RHCE: variants seen among roughly 807,000 people sequenced by gnomAD.
RHCE encodes blood group Rh(CE) polypeptide.
RHCE carries 22 observed loss-of-function variants against 43.8 expected under a neutral mutation model. The ratio of observed to expected loss-of-function variants is 0.50; its 90% CI spans 0.36 to 0.72. The LOEUF is 0.72. RHCE is among the 30% of genes least tolerant of loss of function. The pLI, the probability that RHCE is intolerant of heterozygous loss-of-function variation, is 0.00. For synonymous variants in RHCE, 156 were observed against 210.7 expected (o/e 0.74, Z 2.25); for missense variants, 385 against 525.4 (o/e 0.73, Z 2.61).
intron 2 of RHCE, among the ~76,000 whole-genome samples, chr1:25,404,834 G>A (rs1646865937): frequency 6.6e-6 from 1 of 151,456 alleles, no homozygotes; most frequent in African/African-American, 2.4e-5. Context: ...CACAATAAAG[G>A]AGTTGGTTAT....
At chr1:25,430,110 G>A (rs952312920) in exon 1 of RHCE, 3 of 151,866 alleles carry the variant, frequency 2.0e-5, no homozygotes. Context: ...GGGTCCTGCG[G>A]ACTCGGCGCC....
At chr1:25,408,476 A>G (rs593705) in intron 2 of RHCE, among the ~76,000 whole-genome samples, 12 of 123,382 alleles carry the variant, frequency 9.7e-5, no homozygotes, top group African/African-American at 3.0e-4. Flanking sequence ...TGTGATACAC[A>G]GAGTAGGGCT....
At chr1:25,399,416 A>C (rs1257292585) in intron 3 of RHCE, among the ~76,000 whole-genome samples, 3 of 152,134 alleles carry the variant, frequency 2.0e-5, no homozygotes, top group Non-Finnish European at 4.4e-5. Context: ...TATTCTGGTG[A>C]GTTAATGGGG....
intron 1 of RHCE, among the ~76,000 whole-genome samples, chr1:25,418,525 A>G (rs1244972809): frequency 1.3e-5 from 2 of 151,326 alleles, no homozygotes; most frequent in East Asian, 3.9e-4. Flanking sequence ...CTGGTCTTGA[A>G]CTCCTAACCT....
chr1:25,419,507 G>A (rs1156986980), intron 1 of RHCE, among the ~76,000 whole-genome samples: 1 of 152,014 alleles, frequency 6.6e-6, no homozygotes, highest in Non-Finnish European at 1.5e-5. Flanking sequence ...ATCAACCTAG[G>A]AACAAGCAAG....
chr1:25,409,963 C>A (rs533252840), intron 1 of RHCE, among the ~76,000 whole-genome samples: 14 of 152,090 alleles, frequency 9.2e-5, no homozygotes, highest in Non-Finnish European at 1.9e-4. Flanking sequence ...GTGGCGAGAT[C>A]TTGGCTCACT....
chr1:25,428,897 G>C (rs959227823), intron 2 of RHCE: 1 of 152,340 alleles, frequency 6.6e-6, no homozygotes, highest in Non-Finnish European at 1.5e-5. Context: ...GAGGCAGGAA[G>C]GGGGAAAGAT....
chr1:25,392,524 G>C (rs1012889108), intron 3 of RHCE, among the ~76,000 whole-genome samples: 3 of 148,024 alleles, frequency 2.0e-5, no homozygotes, highest in Admixed American at 2.0e-4. Flanking sequence ...GCCTCCCAAA[G>C]TGCTGGGATT....
At chr1:25,402,069 G>T (rs1260124289) in intron 3 of RHCE, among the ~76,000 whole-genome samples, 1 of 151,908 alleles carries the variant, frequency 6.6e-6, no homozygotes, top group Admixed American at 6.6e-5. Context: ...TAGAGATGAG[G>T]TTCCCCCATG....
intron 3 of RHCE, among the ~76,000 whole-genome samples, chr1:25,395,090 GGAA>G (rs1249632724): frequency 1.4e-5 from 2 of 143,522 alleles, no homozygotes; most frequent in African/African-American, 5.4e-5. Flanking sequence ...CAACAAAGCA[GGAA>G]GAGGTTCGGG....
intron 8 of RHCE, among the ~76,000 whole-genome samples, chr1:25,370,864 T>C (rs1283552133): frequency 6.7e-6 from 1 of 149,788 alleles, no homozygotes; most frequent in Non-Finnish European, 1.5e-5. Context: ...TTCTCCTGCC[T>C]CAGCCTCCCA....
At chr1:25,417,033 A>G (rs1647576417) in intron 1 of RHCE, among the ~76,000 whole-genome samples, 1 of 151,766 alleles carries the variant, frequency 6.6e-6, no homozygotes, top group Admixed American at 6.6e-5. Flanking sequence ...CATGAGACCA[A>G]TCTTGTTTCT....
chr1:25,411,039 C>G (rs1369346825), intron 1 of RHCE, among the ~76,000 whole-genome samples: 2 of 152,004 alleles, frequency 1.3e-5, no homozygotes, highest in Non-Finnish European at 2.9e-5. Context: ...TTGCAGTGAG[C>G]TGAGACCGCA....
intron 3 of RHCE, among the ~76,000 whole-genome samples, chr1:25,393,997 T>C (rs756093307): frequency 5.3e-5 from 8 of 152,178 alleles, no homozygotes; most frequent in Admixed American, 1.3e-4. Flanking sequence ...TTTATTTATT[T>C]ATTTATTTTT....
At chr1:25,418,365 T>G (rs755826198) in intron 1 of RHCE, among the ~76,000 whole-genome samples, 59 of 151,696 alleles carry the variant, frequency 3.9e-4, no homozygotes, top group South Asian at 6.2e-4. Flanking sequence ...TGTTGTTGTT[T>G]TTGTTTGGTT....
intron 3 of RHCE, 92 bp downstream of exon 3, chr1:25,402,504 G>A: frequency 1.9e-6 from 3 of 1,600,234 alleles, no homozygotes; most frequent in African/African-American, 2.7e-5. Flanking sequence ...GGGATTACAG[G>A]TTGTCTTTAT....
At chr1:25,403,994 T>TC (rs1646835665) in intron 2 of RHCE, among the ~76,000 whole-genome samples, 1 of 149,292 alleles carries the variant, frequency 6.7e-6, no homozygotes, top group Non-Finnish European at 1.5e-5. Flanking sequence ...ATGGTGAAAC[T>TC]CTGTCTCAAC....
chr1:25,416,397 G>A (rs1647439511), intron 1 of RHCE, among the ~76,000 whole-genome samples: 1 of 151,778 alleles, frequency 6.6e-6, no homozygotes, highest in African/African-American at 2.4e-5. Context: ...CCAAGTAGCT[G>A]GGACTACAGG....
intron 1 of RHCE, 129 bp downstream of exon 1, chr1:25,420,510 A>G: frequency 6.3e-7 from 1 of 1,581,450 alleles, no homozygotes; most frequent in Non-Finnish European, 8.6e-7. Context: ...AATCTACGGA[A>G]GAAGATGGGG....
Sources: allele counts gnomAD v4.1 joint callset (sites outside exome capture counted in the v4.1 genomes callset), GRCh38; gene constraint gnomAD v4.1.1; transcripts MANE v1.5; gene names NCBI Gene and HGNC (gene_info 2026-07-23, HGNC 2026-07-21).